ANO6: variants seen among roughly 807,000 people sequenced by gnomAD.
ANO6 encodes the protein anoctamin-6.
A neutral mutation model predicts 117.5 loss-of-function variants in ANO6; 106 were observed. The ratio of observed to expected loss-of-function variants is 0.90; its 90% CI spans 0.77 to 1.06. The LOEUF (loss-of-function observed/expected upper bound fraction) is 1.06, where lower values mean the gene tolerates loss of function less well. Among genes scored for constraint, ANO6 ranks in the 50% least tolerant of loss-of-function variants. ANO6 has a pLI of 0.00. For synonymous variants in ANO6, 367 were observed against 385.1 expected, an observed-to-expected ratio of 0.95 and a Z score of 0.55; for missense variants, 955 against 1,121.1, an observed-to-expected ratio of 0.85 and a Z score of 2.12.
chr12:45,380,569 G>C (rs9788251), intron 10 of ANO6, among the ~76,000 whole-genome samples: 497 of 152,180 alleles, frequency 3.3e-3, no homozygotes, highest in African/African-American at 0.011. Flanking sequence ...CCCTGACTCT[G>C]TTCAGCCCAG....
chr12:45,438,115 G>A (rs1290931560), intron 19 of ANO6, among the ~76,000 whole-genome samples: 1 of 152,122 alleles, frequency 6.6e-6, no homozygotes, highest in Non-Finnish European at 1.5e-5. Context: ...CAGGCAAGCT[G>A]CCTCATCCTG....
At position 45,388,228 on chromosome 12, in the gene ANO6, GT is replaced by G. The variant is rs780136210; in HGVS notation, c.1235del (p.Leu412TyrfsTer18). On this transcript the variant is annotated frameshift_variant, in exon 11 of 20. Coordinates refer to ENST00000320560, the MANE Select transcript of ANO6 (RefSeq NM_001025356.3). LOFTEE classifies it high-confidence loss of function. ...ELEYEWDTVE[L>X]QQEEQARPEY... ...TTGAGTATGAATGGGATACTGTTGA[GT>G]TACAGCAGGAAGAACAAGCCCGACC... 1 of 1,614,140 alleles carries G rather than the reference GT, an allele frequency of 6.2e-7. No individual in the cohort carries two copies. Among genetic ancestry groups the G allele is most frequent in the Non-Finnish European group, 8.5e-7 (1 of 1,179,994 alleles).
intron 17 of ANO6, among the ~76,000 whole-genome samples, chr12:45,419,012 A>G (rs535049939): frequency 1.3e-5 from 2 of 152,226 alleles, no homozygotes; most frequent in South Asian, 2.1e-4. Flanking sequence ...CTCACAACCT[A>G]CTGTCTACAA....
chr12:45,232,044 C>G (rs927461226), intron 1 of ANO6, among the ~76,000 whole-genome samples: 1 of 152,184 alleles, frequency 6.6e-6, no homozygotes, highest in Non-Finnish European at 1.5e-5. Context: ...AAGCCCACTA[C>G]TTTTTGAAAA....
chr12:45,317,584 G>A (rs1367038734), intron 2 of ANO6, among the ~76,000 whole-genome samples: 4 of 151,778 alleles, frequency 2.6e-5, no homozygotes, highest in Non-Finnish European at 4.4e-5. Flanking sequence ...ATAAACATAC[G>A]TGTGCATGTG....
intron 1 of ANO6, among the ~76,000 whole-genome samples, chr12:45,278,691 G>A (rs1451003516): frequency 2.0e-5 from 3 of 152,038 alleles, no homozygotes. Context: ...TTTTTCATGT[G>A]ATTTCTCCCT....
chr12:45,314,333 G>A (rs1326983001), intron 2 of ANO6, among the ~76,000 whole-genome samples: 1 of 151,796 alleles, frequency 6.6e-6, no homozygotes, highest in South Asian at 2.1e-4. Context: ...AGAAAAATCA[G>A]GTTTGGGCTG....
rs1272050154 is a variant in ANO6, at chr12:45,247,914, T to A, written c.70+31523T>A. Reference sequence around the variant, plus strand: ...GAAGGACACAGTTCAGTTCATAGCATCTAGTTATAGATATAAGCATGAACA... The same window carrying A: ...GAAGGACACAGTTCAGTTCATAGCAACTAGTTATAGATATAAGCATGAACA... On this transcript the variant is annotated intron_variant, in intron 1 of 19. Transcript: ENST00000320560. 2.0e-5 allele frequency among the ~76,000 whole-genome samples: 3 copies of A among 152,342 alleles called. No individual in the cohort carries two copies. The East Asian group carries it at 5.8e-4, about 29-fold the overall frequency.
At chr12:45,259,262 T>C (rs1199942356) in intron 1 of ANO6, among the ~76,000 whole-genome samples, 1 of 152,206 alleles carries the variant, frequency 6.6e-6, no homozygotes, top group African/African-American at 2.4e-5. Context: ...CTAAACAGTA[T>C]GCTTTTTCCT....
chr12:45,224,684 A>T (rs917286837), intron 1 of ANO6, among the ~76,000 whole-genome samples: 2 of 152,176 alleles, frequency 1.3e-5, no homozygotes, highest in Non-Finnish European at 2.9e-5. Context: ...AAAGAATAAG[A>T]GTTACTCTTA....
At chr12:45,393,404 A>G (rs1942512461) in intron 12 of ANO6, among the ~76,000 whole-genome samples, 1 of 152,238 alleles carries the variant, frequency 6.6e-6, no homozygotes, top group Admixed American at 6.5e-5. Context: ...GAATGGAACC[A>G]AGTTGGAAAA....
intron 17 of ANO6, among the ~76,000 whole-genome samples, chr12:45,419,147 T>A (rs1943289620): frequency 6.6e-6 from 1 of 152,238 alleles, no homozygotes; most frequent in Non-Finnish European, 1.5e-5. Flanking sequence ...CCAGAGCATC[T>A]GTTATTGAAG....
At chr12:45,357,076 C>A (rs1941429877) in intron 7 of ANO6, among the ~76,000 whole-genome samples, 1 of 152,174 alleles carries the variant, frequency 6.6e-6, no homozygotes, top group Non-Finnish European at 1.5e-5. Context: ...ACCAGGCAAA[C>A]CAGCAATAGT....
chr12:45,417,428 G>A (rs1306217457), intron 17 of ANO6, among the ~76,000 whole-genome samples: 1 of 152,152 alleles, frequency 6.6e-6, no homozygotes, highest in African/African-American at 2.4e-5. Context: ...AGGAAGGTGG[G>A]TGGGTTTCAT....
chr12:45,230,342 G>A (rs1201852359), intron 1 of ANO6, among the ~76,000 whole-genome samples: 1 of 151,824 alleles, frequency 6.6e-6, no homozygotes, highest in Non-Finnish European at 1.5e-5. Context: ...TAACTTTGGG[G>A]CCTTGGTTTC....
chr12:45,368,891 G>C (rs1210223085), intron 9 of ANO6, among the ~76,000 whole-genome samples: 2 of 152,176 alleles, frequency 1.3e-5, no homozygotes, highest in African/African-American at 4.8e-5. Flanking sequence ...GAGATAGACA[G>C]AACAGGCATT....
Position 45,221,060 on chromosome 12 carries a change from G to C in ANO6, c.70+4669G>C, listed in dbSNP as rs530680819. On this transcript the variant is annotated intron_variant, in intron 1 of 19. Coordinates refer to ENST00000320560, the MANE Select transcript of ANO6 (RefSeq NM_001025356.3). ...GGGGCCTGTGATTGGTGTCGGAAGT[G>C]GGGGGGGGCAGCCTTGTAGGACTGA... Among the ~76,000 whole-genome samples the C allele has an allele frequency of 1.4e-4, 15 of 110,274 alleles. 1 individual carries two copies. In the Middle Eastern group the frequency reaches 0.019, roughly 136 times the overall value. The allele number at this position is 110,274 out of a possible 152,430, so 72.3% of individuals were successfully genotyped here.
Position 45,258,123 on chromosome 12 carries a change from G to A in ANO6, c.70+41732G>A, listed in dbSNP as rs75299131. Among the ~76,000 whole-genome samples, 1,450 of 152,288 alleles carry A rather than the reference G, an allele frequency of 9.5e-3. 25 individuals carry two copies. Among genetic ancestry groups the A allele is most frequent in the African/African-American group, 0.033 (1,365 of 41,558 alleles). ...TATTAAATACATATTAATCAGTCGT[G>A]TGGTGTTGGACACCCTTCCCCCAAC... On this transcript the variant is annotated intron_variant, in intron 1 of 19. Coordinates refer to ENST00000320560, the MANE Select transcript of ANO6 (RefSeq NM_001025356.3).
chr12:45,240,280 G>A (rs1947718054), intron 1 of ANO6, among the ~76,000 whole-genome samples: 1 of 149,882 alleles, frequency 6.7e-6, no homozygotes, highest in Non-Finnish European at 1.5e-5. Flanking sequence ...TTATGTAATG[G>A]CTTTCTTTGT....
Sources: allele counts gnomAD v4.1 joint callset (sites outside exome capture counted in the v4.1 genomes callset), GRCh38; gene constraint gnomAD v4.1.1; transcripts MANE v1.5; gene names NCBI Gene and HGNC (gene_info 2026-07-23, HGNC 2026-07-21).